Variants in NUP93 observed in about 807,000 individuals in gnomAD.
The protein encoded by NUP93 is nuclear pore complex protein Nup93.
NUP93 carries 55 observed loss-of-function variants against 107.8 expected under a neutral mutation model. The ratio of observed to expected loss-of-function variants is 0.51; its 90% CI spans 0.41 to 0.64. The LOEUF (loss-of-function observed/expected upper bound fraction) is 0.64, where lower values mean the gene tolerates loss of function less well. Ranked by LOEUF, NUP93 falls within the 30% of genes least tolerant of loss-of-function variation. NUP93 has a pLI of 0.00. For missense variants in NUP93, 937 were observed against 1,044.7 expected (o/e 0.90, Z 1.42); for synonymous variants, 390 against 397.5 (o/e 0.98, Z 0.22).
intron 20 of NUP93, among the ~76,000 whole-genome samples, chr16:56,840,675 T>C (rs1390901224): frequency 1.3e-5 from 2 of 152,160 alleles, no homozygotes; most frequent in African/African-American, 4.8e-5. Flanking sequence ...AGTTTACAAT[T>C]CTTCCTCATT....
intron 18 of NUP93, 40 bp downstream of exon 18, chr16:56,837,766 A>G: frequency 6.6e-7 from 1 of 1,515,898 alleles, no homozygotes; most frequent in African/African-American, 1.4e-5. Flanking sequence ...TGAGGGTGCC[A>G]CTGCCAGTGC....
chr16:56,805,850 G>A (rs1159040318), intron 5 of NUP93, among the ~76,000 whole-genome samples: 2 of 151,722 alleles, frequency 1.3e-5, no homozygotes, highest in East Asian at 3.9e-4. Context: ...CAAATTCCCT[G>A]ACCTCTATAG....
chr16:56,814,210 G>A (rs1012360622), intron 5 of NUP93, among the ~76,000 whole-genome samples: 2 of 151,896 alleles, frequency 1.3e-5, no homozygotes, highest in Non-Finnish European at 2.9e-5. Flanking sequence ...TTTGAGATAG[G>A]GTCTCTGTCA....
chr16:56,764,532 C>A (rs1368168235), intron 3 of NUP93, among the ~76,000 whole-genome samples: 1 of 152,142 alleles, frequency 6.6e-6, no homozygotes, highest in African/African-American at 2.4e-5. Context: ...AGTCTTGTAA[C>A]CCCTTATCAC....
At chr16:56,785,657 G>A (rs1423069443) in intron 3 of NUP93, among the ~76,000 whole-genome samples, 1 of 152,124 alleles carries the variant, frequency 6.6e-6, no homozygotes, top group Non-Finnish European at 1.5e-5. Flanking sequence ...GTAAAATGGC[G>A]TCACCAGGAA....
intron 3 of NUP93, among the ~76,000 whole-genome samples, chr16:56,791,520 TG>T (rs1455086292): frequency 6.6e-6 from 1 of 152,266 alleles, no homozygotes; most frequent in African/African-American, 2.4e-5. Context: ...TTTGGCCATT[TG>T]GCGAAAACAA....
chr16:56,842,359 A>G (rs1964042030), intron 21 of NUP93, among the ~76,000 whole-genome samples: 1 of 152,062 alleles, frequency 6.6e-6, no homozygotes, highest in Admixed American at 6.5e-5. Context: ...TGAAGGGGCC[A>G]TGTCTGGAGG....
At chr16:56,833,587 C>G (rs1319786010) in intron 13 of NUP93, among the ~76,000 whole-genome samples, 181 bp downstream of exon 13, 1 of 151,264 alleles carries the variant, frequency 6.6e-6, no homozygotes, top group Non-Finnish European at 1.5e-5. Context: ...CCCCCCACCC[C>G]CCAGCATTAG....
At chr16:56,843,155 C>G (rs1964059991) in intron 21 of NUP93, among the ~76,000 whole-genome samples, 1 of 152,236 alleles carries the variant, frequency 6.6e-6, no homozygotes, top group African/African-American at 2.4e-5. Flanking sequence ...AGAGCATTTG[C>G]TGGTCTTCTG....
Position 56,848,489 on chromosome 16 carries a change from C to A in NUP93, c.*3880C>A, listed in dbSNP as rs1964141090. Reference sequence around the variant, plus strand: ...TCTAAACTGTGGAAGAAAATATCCCCCATTCTTTATCCTACGCTGAATCCA... The same window carrying A: ...TCTAAACTGTGGAAGAAAATATCCCACATTCTTTATCCTACGCTGAATCCA... On this transcript the variant is annotated 3_prime_UTR_variant, in exon 22 of 22. Coordinates refer to ENST00000308159, the MANE Select transcript of NUP93 (RefSeq NM_014669.5). The A allele has an allele frequency of 2.0e-5, 3 of 152,322 alleles. No individual in the cohort carries two copies. Among genetic ancestry groups the A allele is most frequent in the East Asian group, 1.9e-4 (1 of 5,186 alleles). 9.4% of individuals were successfully genotyped at this position (152,322 alleles called of 1,614,324 possible).
chr16:56,780,240 C>T (rs1962488896), intron 3 of NUP93, among the ~76,000 whole-genome samples: 1 of 152,184 alleles, frequency 6.6e-6, no homozygotes, highest in African/African-American at 2.4e-5. Context: ...GTGACATCTG[C>T]TATGGCACCA....
At position 56,748,271 on chromosome 16, in the gene NUP93, G is replaced by C. The variant is rs2144457010; in HGVS notation, c.24G>C (p.Glu8Asp). Residue 8 changes from glutamate (E) to aspartate (D), a missense_variant, in exon 2 of 22, where the codon GAG becomes GAC. By Grantham distance (45) the Glu-to-Asp change is conservative. Coordinates refer to ENST00000308159, the MANE Select transcript of NUP93 (RefSeq NM_014669.5). The part of the protein sequence containing the change: MDTEGFG[E>D]LLQQAEQLAA... ...CAATGGATACTGAGGGGTTTGGTGA[G>C]CTCCTTCAGCAAGCTGAACAGCTTG... 1 of 1,612,838 alleles carries C rather than the reference G, an allele frequency of 6.2e-7. No homozygotes were observed. Among genetic ancestry groups the C allele is most frequent in the Non-Finnish European group, 8.5e-7 (1 of 1,179,294 alleles).
chr16:56,804,594 C>T (rs1293927179), intron 4 of NUP93, among the ~76,000 whole-genome samples: 6 of 151,900 alleles, frequency 3.9e-5, no homozygotes, highest in Admixed American at 3.9e-4. Context: ...TACTTAATAC[C>T]ACTGAACTAT....
At chr16:56,838,024 T>C (rs1476771417) in intron 18 of NUP93, among the ~76,000 whole-genome samples, 1 of 152,246 alleles carries the variant, frequency 6.6e-6, no homozygotes, top group Non-Finnish European at 1.5e-5. Context: ...GCCTAAATAC[T>C]GTTGTATACT....
intron 5 of NUP93, among the ~76,000 whole-genome samples, chr16:56,807,621 T>C (rs1276721075): frequency 3.3e-5 from 5 of 152,220 alleles, no homozygotes; most frequent in Non-Finnish European, 7.3e-5. Flanking sequence ...CAGTGTATTA[T>C]AGAATGATTA....
chr16:56,803,043 G>A (rs1176583014), intron 4 of NUP93, among the ~76,000 whole-genome samples: 10 of 148,630 alleles, frequency 6.7e-5, no homozygotes, highest in Non-Finnish European at 1.3e-4. Context: ...GCAACTACCA[G>A]TAGACAGTAG....
Position 56,830,898 on chromosome 16 carries a change from T to C in NUP93, c.1085+213T>C, listed in dbSNP as rs555939455. 3.3e-5 allele frequency among the ~76,000 whole-genome samples: 5 copies of C among 152,330 alleles called. No homozygotes were observed. In the South Asian group the frequency reaches 8.3e-4, roughly 25 times the overall value. ...TCTGACACTGATGTCTAGGCATGCATGCATCTGTGTTTGGGAATTTTTCTG... is the reference window on the plus strand; with the variant it reads ...TCTGACACTGATGTCTAGGCATGCACGCATCTGTGTTTGGGAATTTTTCTG... On this transcript the variant is annotated intron_variant, in intron 10 of 21. Transcript: ENST00000308159.
intron 3 of NUP93, among the ~76,000 whole-genome samples, chr16:56,779,468 A>G (rs1378065444): frequency 2.6e-5 from 4 of 152,212 alleles, no homozygotes; most frequent in African/African-American, 9.6e-5. Context: ...ATGGACTACC[A>G]AATTTAGGAA....
rs972324232 is a variant in NUP93, at chr16:56,846,744, A to C, written c.*2135A>C. The C allele has an allele frequency of 6.6e-6, 1 of 152,214 alleles. No homozygotes were observed. Among genetic ancestry groups the C allele is most frequent in the Admixed American group, 6.5e-5 (1 of 15,288 alleles). The allele number at this position is 152,214 out of a possible 1,614,324, so 9.4% of individuals were successfully genotyped here. On this transcript the variant is annotated 3_prime_UTR_variant, in exon 22 of 22. Coordinates refer to ENST00000308159, the MANE Select transcript of NUP93 (RefSeq NM_014669.5). ...AATAAGAGTACTCTGTGGACTTTTC[A>C]TAAAGTGCAACTTAGTGCTTTGTTT...
Sources: allele counts gnomAD v4.1 joint callset (sites outside exome capture counted in the v4.1 genomes callset), GRCh38; gene constraint gnomAD v4.1.1; transcripts MANE v1.5; gene names NCBI Gene and HGNC (gene_info 2026-07-23, HGNC 2026-07-21).